The following MGAT4C variants were observed in gnomAD, a reference collection of about 807,000 sequenced individuals.
The protein encoded by MGAT4C is alpha-1,3-mannosyl-glycoprotein 4-beta-N-acetylglucosaminyltransferase C.
A neutral mutation model predicts 40.1 loss-of-function variants in MGAT4C; 19 were observed. The ratio of observed to expected loss-of-function variants is 0.47; its 90% CI spans 0.33 to 0.70. MGAT4C has a LOEUF of 0.70. Among genes scored for constraint, MGAT4C ranks in the 30% least tolerant of loss-of-function variants. The probability of loss-of-function intolerance (pLI) is 0.02; values close to 1 mark genes in which losing one functional copy is unlikely to be tolerated. For missense variants in MGAT4C, 491 were observed against 563.2 expected (o/e 0.87, Z 1.30); for synonymous variants, 181 against 187.1 (o/e 0.97, Z 0.27).
intron 1 of MGAT4C, among the ~76,000 whole-genome samples, chr12:86,085,854 C>T (rs1871722583): frequency 6.6e-6 from 1 of 152,082 alleles, no homozygotes; most frequent in Admixed American, 6.6e-5. Context: ...CATTTCATGA[C>T]AGTTAGAATG....
At chr12:86,124,592 G>T (rs562084235) in intron 1 of MGAT4C, among the ~76,000 whole-genome samples, 1 of 151,910 alleles carries the variant, frequency 6.6e-6, no homozygotes, top group Non-Finnish European at 1.5e-5. Flanking sequence ...AGCAGATGTG[G>T]CTCATAAAAT....
At chr12:86,001,705 A>C in intron 2 of MGAT4C, 1 of 864,126 alleles carries the variant, frequency 1.2e-6, no homozygotes, top group Non-Finnish European at 1.4e-6. Flanking sequence ...GTACTGGCTG[A>C]ATTGTAAATC....
chr12:86,649,920 A>G (rs1963649428), intron 2 of MGAT4C, among the ~76,000 whole-genome samples: 1 of 151,946 alleles, frequency 6.6e-6, no homozygotes, highest in South Asian at 2.1e-4. Context: ...TAAAAATGTT[A>G]AAAAGAATTT....
intron 1 of MGAT4C, among the ~76,000 whole-genome samples, chr12:86,753,351 G>T (rs1951253433): frequency 6.6e-6 from 1 of 152,212 alleles, no homozygotes; most frequent in Non-Finnish European, 1.5e-5. Context: ...AATTAATTTG[G>T]CTCATCCCTT....
chr12:86,418,997 C>G (rs898963604), intron 3 of MGAT4C, among the ~76,000 whole-genome samples: 1 of 152,116 alleles, frequency 6.6e-6, no homozygotes, highest in African/African-American at 2.4e-5. Flanking sequence ...AGACCTTTCT[C>G]TAGGTTAAAG....
chr12:86,531,113 A>G (rs1958974322), intron 2 of MGAT4C, among the ~76,000 whole-genome samples: 1 of 152,084 alleles, frequency 6.6e-6, no homozygotes, highest in East Asian at 1.9e-4. Flanking sequence ...AGCATTGACA[A>G]CAAATTTTAT....
chr12:86,685,899 G>C (rs529385965), intron 2 of MGAT4C, among the ~76,000 whole-genome samples: 7 of 145,628 alleles, frequency 4.8e-5, no homozygotes, highest in Middle Eastern at 3.5e-3. Flanking sequence ...GTCTTGCTCT[G>C]TTGCCCAGGC....
chr12:86,339,181 C>T (rs777783907), intron 3 of MGAT4C, among the ~76,000 whole-genome samples: 2 of 152,016 alleles, frequency 1.3e-5, no homozygotes, highest in African/African-American at 2.4e-5. Flanking sequence ...GTCCAAGTTA[C>T]ATAGCAAATG....
intron 1 of MGAT4C, among the ~76,000 whole-genome samples, chr12:86,834,936 G>A (rs1198983624): frequency 6.6e-6 from 1 of 151,848 alleles, no homozygotes; most frequent in Non-Finnish European, 1.5e-5. Flanking sequence ...ATACTTTCCT[G>A]TAAAGCACCT....
intron 2 of MGAT4C, among the ~76,000 whole-genome samples, chr12:86,566,807 CCTAA>C (rs1388910142): frequency 1.4e-5 from 2 of 147,068 alleles, no homozygotes; most frequent in South Asian, 2.1e-4. Flanking sequence ...TCTAGAGAAC[CCTAA>C]CTAATACACC....
intron 2 of MGAT4C, among the ~76,000 whole-genome samples, chr12:86,486,380 A>G (rs1371795775): frequency 4.6e-4 from 17 of 36,570 alleles, no homozygotes; most frequent in African/African-American, 1.1e-3. Context: ...TATCATGCAC[A>G]CACACACACA....
chr12:86,442,781 A>AAT (rs1480481097), intron 2 of MGAT4C, among the ~76,000 whole-genome samples: 1 of 151,600 alleles, frequency 6.6e-6, no homozygotes, highest in East Asian at 1.9e-4. Context: ...CAAAAAAAAA[A>AAT]AAAAAGGAAT....
intron 1 of MGAT4C, among the ~76,000 whole-genome samples, chr12:86,190,507 AGTT>A (rs1433987098): frequency 6.6e-6 from 1 of 152,054 alleles, no homozygotes; most frequent in South Asian, 2.1e-4. Context: ...CCATCTCTGG[AGTT>A]GTTATCAGTC....
intron 2 of MGAT4C, among the ~76,000 whole-genome samples, chr12:86,630,915 A>G (rs528087743): frequency 6.6e-6 from 1 of 152,296 alleles, no homozygotes; most frequent in East Asian, 1.9e-4. Flanking sequence ...GCAATCAGGC[A>G]AGAGAAAGAA....
rs11834542 is a variant in MGAT4C at position 86,640,576 on chromosome 12, G to A, written c.-229+86633C>T. Among the ~76,000 whole-genome samples, 3 of 151,918 alleles carry A rather than the reference G, an allele frequency of 2.0e-5. No individual in the cohort carries two copies. In the South Asian group the frequency reaches 6.2e-4, roughly 32 times the overall value. ...CAGCTCCTGGATTCGTTAATTTTTT[G>A]AAGGGTTTTTTGAGTCTCTATTTCC... is the stretch of plus-strand genomic sequence containing the variant. On this transcript the variant is annotated intron_variant, in intron 2 of 7. Coordinates refer to the MGAT4C transcript ENST00000548651.
intron 2 of MGAT4C, among the ~76,000 whole-genome samples, chr12:86,633,891 T>C (rs945222849): frequency 4.6e-5 from 7 of 152,086 alleles, no homozygotes; most frequent in East Asian, 3.9e-4. Context: ...ATGAATTGTG[T>C]AAATTACTTT....
At chr12:86,076,537 A>C (rs1869754570) in intron 1 of MGAT4C, among the ~76,000 whole-genome samples, 1 of 152,186 alleles carries the variant, frequency 6.6e-6, no homozygotes. Flanking sequence ...GACATACCGG[A>C]AACTGGGAAG....
chr12:86,079,196 G>C (rs1380609208), intron 1 of MGAT4C, among the ~76,000 whole-genome samples: 2 of 152,132 alleles, frequency 1.3e-5, no homozygotes, highest in African/African-American at 4.8e-5. Context: ...TGGGTATGTA[G>C]TCAAATCCTG....
intron 3 of MGAT4C, among the ~76,000 whole-genome samples, chr12:86,420,585 A>C (rs1956801536): frequency 6.6e-6 from 1 of 152,090 alleles, no homozygotes; most frequent in Admixed American, 6.6e-5. Flanking sequence ...CATCTCCATA[A>C]GAAATAAACC....
Sources: gnomAD v4.1 joint callset for allele counts (sites outside exome capture counted in the v4.1 genomes callset) on GRCh38, gnomAD v4.1.1 for gene constraint, MANE v1.5 for transcripts, NCBI Gene and HGNC (gene_info 2026-07-23, HGNC 2026-07-21) for gene names.